The following SLC25A51 variants were observed in gnomAD, a reference collection of about 807,000 sequenced individuals.
SLC25A51 encodes the protein solute carrier family 25 member 51, also known as mitochondrial nicotinamide adenine dinucleotide transporter SLC25A51.
In SLC25A51, 11 loss-of-function variants were observed where a neutral mutation model predicts 19.1. The observed-to-expected ratio is 0.58, with a 90% CI of 0.36 to 0.96. SLC25A51 has a LOEUF of 0.96. Among genes scored for constraint, SLC25A51 ranks in the 40% least tolerant of loss-of-function variants. The pLI, the probability that SLC25A51 is intolerant of heterozygous loss-of-function variation, is 0.01. For missense variants in SLC25A51, 201 were observed against 365.4 expected, an observed-to-expected ratio of 0.55 and a Z score of 3.67; for synonymous variants, 105 against 133.6, an observed-to-expected ratio of 0.79 and a Z score of 1.47.
chr9:37,903,912 C>G (rs1831914179), intron 1 of SLC25A51, 156 bp downstream of exon 1: 1 of 152,300 alleles, frequency 6.6e-6, no homozygotes, highest in South Asian at 2.1e-4. Flanking sequence ...TGGGTGGGGC[C>G]CGCAGGGACC....
Position 37,887,743 on chromosome 9 carries a change from T to C in SLC25A51, c.808A>G (p.Arg270Gly), listed in dbSNP as rs1432774030. ...CGATGGTAATTCAGATGGGCACCTCTGAAAAGATTTATCAGTTTTCTGTCC... is the reference window on the plus strand; with the variant it reads ...CGATGGTAATTCAGATGGGCACCTCCGAAAAGATTTATCAGTTTTCTGTCC... ...ERDRKLINLF[R>G]GAHLNYHRSL... The change falls in exon 3 of 3, where the codon AGA becomes GGA. Residue 270 changes from arginine to glycine, a missense_variant. Coordinates refer to ENST00000242275, the MANE Select transcript of SLC25A51 (RefSeq NM_033412.4). 1 of 1,613,964 alleles carries C rather than the reference T, an allele frequency of 6.2e-7. No individual in the cohort carries two copies. Among genetic ancestry groups the C allele is most frequent in the Non-Finnish European group, 8.5e-7 (1 of 1,179,866 alleles).
intron 2 of SLC25A51, among the ~76,000 whole-genome samples, chr9:37,898,411 C>T (rs1831768347): frequency 6.6e-6 from 1 of 152,196 alleles, no homozygotes; most frequent in Admixed American, 6.5e-5. Flanking sequence ...CAAAATTAGC[C>T]AGGCGTGGTG....
At chr9:37,895,976 G>A (rs1442141233) in intron 2 of SLC25A51, among the ~76,000 whole-genome samples, 1 of 151,968 alleles carries the variant, frequency 6.6e-6, no homozygotes, top group African/African-American at 2.4e-5. Flanking sequence ...GCCATGCCCT[G>A]CTAATTTTTA....
At chr9:37,891,611 T>C (rs1312992616) in intron 2 of SLC25A51, among the ~76,000 whole-genome samples, 1 of 152,058 alleles carries the variant, frequency 6.6e-6, no homozygotes, top group African/African-American at 2.4e-5. Flanking sequence ...TTAAATGGAT[T>C]AAGGGCGGTG....
chr9:37,896,687 T>C (rs948998368), intron 2 of SLC25A51, among the ~76,000 whole-genome samples: 2 of 152,184 alleles, frequency 1.3e-5, no homozygotes, highest in Non-Finnish European at 2.9e-5. Context: ...TCCCACCTAC[T>C]CTGAAGGCTG....
chr9:37,902,806 A>C (rs1487368570), intron 1 of SLC25A51, among the ~76,000 whole-genome samples: 1 of 152,192 alleles, frequency 6.6e-6, no homozygotes, highest in African/African-American at 2.4e-5. Flanking sequence ...AAAGTCTAAA[A>C]CCTTATTATA....
chr9:37,897,860 A>G (rs1234115496), intron 2 of SLC25A51, among the ~76,000 whole-genome samples: 1 of 152,152 alleles, frequency 6.6e-6, no homozygotes, highest in African/African-American at 2.4e-5. Context: ...TTCACTGATC[A>G]GCTGAGTCAT....
At chr9:37,899,310 C>T (rs1831791421) in intron 2 of SLC25A51, among the ~76,000 whole-genome samples, 1 of 152,186 alleles carries the variant, frequency 6.6e-6, no homozygotes, top group African/African-American at 2.4e-5. Flanking sequence ...ATTCTTTCAT[C>T]ATACTGCTAA....
rs984812416 is a variant in SLC25A51, at chr9:37,904,054, C to G, written c.-165+14G>C. 1 of 152,372 alleles carries G rather than the reference C, an allele frequency of 6.6e-6. No homozygotes were observed. Among genetic ancestry groups the G allele is most frequent in the African/African-American group, 2.4e-5 (1 of 41,476 alleles). 9.4% of individuals were successfully genotyped at this position (152,372 alleles called of 1,614,324 possible). A position where few individuals can be genotyped will look rare whatever the true frequency, so the allele number is the denominator to read the frequency against. ...AGAAAGCCCGGTGCTTCCCCACGCT[C>G]GTCCCACACTCACCCATCAGCGCCG... On this transcript the variant is annotated intron_variant, in intron 1 of 2. Coordinates refer to ENST00000242275, the MANE Select transcript of SLC25A51 (RefSeq NM_033412.4).
At chr9:37,887,087 C>A (rs1467497559), downstream of SLC25A51, among the ~76,000 whole-genome samples, 2 of 151,978 alleles carry the variant, frequency 1.3e-5, no homozygotes, top group African/African-American at 2.4e-5. Flanking sequence ...GAGGCCGAGG[C>A]GGGTGGATCA....
downstream of SLC25A51, among the ~76,000 whole-genome samples, chr9:37,877,777 G>A (rs1361231542): frequency 6.6e-6 from 1 of 152,152 alleles, no homozygotes; most frequent in Non-Finnish European, 1.5e-5. Context: ...GGAGGCTGAG[G>A]TGGGTGGATC....
downstream of SLC25A51, chr9:37,886,300 A>G (rs1288917481): frequency 3.3e-5 from 53 of 1,613,928 alleles, no homozygotes; most frequent in Non-Finnish European, 4.2e-5. Context: ...CCAAGAAGCT[A>G]TCAAAGGCTG....
At chr9:37,880,887 G>T (rs536476009) in intron 3 of SLC25A51, 3 of 152,352 alleles carry the variant, frequency 2.0e-5, no homozygotes, top group Non-Finnish European at 2.9e-5. Flanking sequence ...TGGAGGTCTA[G>T]AACTCTACAG....
intron 2 of SLC25A51, among the ~76,000 whole-genome samples, chr9:37,882,341 T>A (rs1831364960): frequency 6.6e-6 from 1 of 152,234 alleles, no homozygotes; most frequent in Admixed American, 6.5e-5. Flanking sequence ...TCAACATGAT[T>A]GGCTTCACTC....
downstream of SLC25A51, chr9:37,886,418 C>G: frequency 6.4e-7 from 1 of 1,557,444 alleles, no homozygotes; most frequent in Non-Finnish European, 8.7e-7. Flanking sequence ...TGCTTCCTCT[C>G]CTGTCAATTC....
At chr9:37,877,671 T>C (rs758477575), downstream of SLC25A51, among the ~76,000 whole-genome samples, 15 of 151,332 alleles carry the variant, frequency 9.9e-5, no homozygotes, top group Non-Finnish European at 1.6e-4. Flanking sequence ...AATGCTGAGA[T>C]TGCAGGCGTG....
chr9:37,900,677 A>T (rs1587173456), intron 1 of SLC25A51, among the ~76,000 whole-genome samples: 1 of 150,630 alleles, frequency 6.6e-6, no homozygotes, highest in East Asian at 2.0e-4. Context: ...TTGGCCTCCC[A>T]AAGTGCTGGG....
chr9:37,899,051 T>C (rs1252895924), intron 2 of SLC25A51, among the ~76,000 whole-genome samples: 3 of 152,236 alleles, frequency 2.0e-5, no homozygotes, highest in Non-Finnish European at 2.9e-5. Flanking sequence ...AGTCACTCTA[T>C]AGCTTATTCT....
At chr9:37,898,068 T>G (rs1831759316) in intron 2 of SLC25A51, among the ~76,000 whole-genome samples, 1 of 152,228 alleles carries the variant, frequency 6.6e-6, no homozygotes, top group African/African-American at 2.4e-5. Flanking sequence ...CAATTATAAC[T>G]TAAGCTCCTG....
Sources: allele counts gnomAD v4.1 joint callset (sites outside exome capture counted in the v4.1 genomes callset), GRCh38; gene constraint gnomAD v4.1.1; transcripts MANE v1.5; gene names NCBI Gene and HGNC (gene_info 2026-07-23, HGNC 2026-07-21).